The following THOC2 variants were observed in gnomAD, a reference collection of about 807,000 sequenced individuals.
THOC2 encodes the protein THO complex 2.
A neutral mutation model predicts 128.4 loss-of-function variants in THOC2; 10 were observed. That is an observed-to-expected ratio of 0.08 (90% CI 0.05 to 0.13). The LOEUF (loss-of-function observed/expected upper bound fraction) is 0.13. THOC2 is among the 10% of genes least tolerant of loss of function. The pLI is 1.00. For missense variants in THOC2, 535 were observed against 1,155.7 expected (o/e 0.46, Z 7.79); for synonymous variants, 393 against 396.9 (o/e 0.99, Z 0.12).
At chrX:123,698,300 A>G (rs1310804069) in intron 4 of THOC2, among the ~76,000 whole-genome samples, 1 of 109,800 alleles carries the variant, frequency 9.1e-6, no homozygotes, top group Non-Finnish European at 1.9e-5. Context: ...TCTACTAAAA[A>G]TGCAAAAATT....
At chrX:123,638,725 C>CGT (rs1446112189) in intron 17 of THOC2, among the ~76,000 whole-genome samples, 1 of 100,471 alleles carries the variant, frequency 1.0e-5, no homozygotes, top group Non-Finnish European at 2.0e-5. Context: ...AAGACACACA[C>CGT]GTACACACAC....
chrX:123,642,429 CAAA>C (rs746333788), intron 15 of THOC2, among the ~76,000 whole-genome samples: 1 of 72,621 alleles, frequency 1.4e-5, no homozygotes. Context: ...CTCCATCTCC[CAAA>C]AAAAAAAAAA....
At chrX:123,700,196 A>C (rs1354367816) in intron 4 of THOC2, among the ~76,000 whole-genome samples, 1 of 108,591 alleles carries the variant, frequency 9.2e-6, no homozygotes, top group Admixed American at 1.0e-4. Context: ...CCTTCATACT[A>C]TTAGTCTGTT....
intron 12 of THOC2, among the ~76,000 whole-genome samples, chrX:123,654,758 CA>C (rs149260708): frequency 0.076 from 1,833 of 24,236 alleles, 10 homozygotes; most frequent in African/African-American, 0.2. Flanking sequence ...GACTCCGTCT[CA>C]AAAAAAAAAA....
chrX:123,693,594 T>G (rs1233544102), intron 7 of THOC2, among the ~76,000 whole-genome samples: 1 of 110,105 alleles, frequency 9.1e-6, no homozygotes, highest in Non-Finnish European at 1.9e-5. Context: ...ATGCTAAGAG[T>G]CAGTATAGAT....
In THOC2 at chrX:123,685,183, A is replaced by T. The variant is rs955958754; in HGVS notation, c.768+1365T>A. Reference sequence around the variant, plus strand: ...GCTAGGCAATAAATTAATCCATAGGAATTAGTAAAACATAGAACCTTCCCT... The same window carrying T: ...GCTAGGCAATAAATTAATCCATAGGTATTAGTAAAACATAGAACCTTCCCT... On this transcript the variant is annotated intron_variant, in intron 8 of 38. Coordinates refer to ENST00000245838, the MANE Select transcript of THOC2 (RefSeq NM_001081550.2). 3.5e-5 allele frequency among the ~76,000 whole-genome samples: 4 copies of T among 112,786 alleles called. No individual in the cohort carries two copies. In the East Asian group the frequency reaches 1.1e-3, roughly 31 times the overall value.
At chrX:123,629,222 CACACACACACACACACACACACACAT>C (rs1302716381) in intron 22 of THOC2, among the ~76,000 whole-genome samples, 4 of 104,502 alleles carry the variant, frequency 3.8e-5, no homozygotes, top group African/African-American at 1.4e-4. Flanking sequence ...CACACACACA[CACACACACACACACACACACACACAT>C]ATATATGAAG....
At chrX:123,640,774 A>G in intron 15 of THOC2, 152 bp from the exon 16 acceptor site, 1 of 356,563 alleles carries the variant, frequency 2.8e-6, no homozygotes, top group Non-Finnish European at 4.9e-6. Flanking sequence ...CACATCCTTT[A>G]TGGTAGGATT....
chrX:123,709,773 A>G, intron 2 of THOC2, among the ~76,000 whole-genome samples: 1 of 111,961 alleles, frequency 8.9e-6, no homozygotes, highest in Middle Eastern at 4.6e-3. Context: ...TTCCCAACAC[A>G]AAGAAATGAT....
At chrX:123,616,382 T>C (rs768797358) in intron 33 of THOC2, among the ~76,000 whole-genome samples, 4 of 111,445 alleles carry the variant, frequency 3.6e-5, no homozygotes, top group Non-Finnish European at 7.6e-5. Context: ...TGGATTTGTA[T>C]GTAGCATCGC....
chrX:123,662,850 A>T (rs1263443738), intron 12 of THOC2, among the ~76,000 whole-genome samples: 1 of 111,871 alleles, frequency 8.9e-6, no homozygotes, highest in African/African-American at 3.2e-5. Flanking sequence ...AAATAAGCAC[A>T]TGAAAAGATG....
chrX:123,728,922 G>A (rs902414490), intron 1 of THOC2, among the ~76,000 whole-genome samples: 6 of 111,534 alleles, frequency 5.4e-5, no homozygotes, highest in Admixed American at 9.6e-5. Context: ...TAAGAGCTTC[G>A]AATATCAATT....
At chrX:123,688,600 G>GT (rs769325803) in intron 7 of THOC2, among the ~76,000 whole-genome samples, 11 of 110,671 alleles carry the variant, frequency 9.9e-5, no homozygotes, top group Non-Finnish European at 1.7e-4. Context: ...GCACATGCCT[G>GT]TAGTCCCAGC....
chrX:123,611,605 T>C, intron 36 of THOC2, 89 bp from the exon 37 acceptor site: 1 of 558,456 alleles, frequency 1.8e-6, no homozygotes, highest in Non-Finnish European at 2.9e-6. Context: ...CGAGCTATAT[T>C]TGTCTTCAAA....
intron 1 of THOC2, among the ~76,000 whole-genome samples, chrX:123,731,746 G>A (rs1184051481): frequency 2.7e-5 from 3 of 110,801 alleles, no homozygotes; most frequent in Non-Finnish European, 5.7e-5. Flanking sequence ...ACAGCAGTGC[G>A]GGGGGTGCGG....
intron 3 of THOC2, among the ~76,000 whole-genome samples, chrX:123,705,004 A>C (rs968051298): frequency 1.2e-4 from 14 of 112,372 alleles, no homozygotes; most frequent in Non-Finnish European, 2.6e-4. Flanking sequence ...TAGTTCACTT[A>C]CTGCAGTTAA....
intron 1 of THOC2, among the ~76,000 whole-genome samples, chrX:123,715,129 A>C (rs2051353082): frequency 9.9e-6 from 1 of 101,226 alleles, no homozygotes; most frequent in African/African-American, 3.7e-5. Flanking sequence ...TGATCCTCCC[A>C]CCTCAGCCTC....
intron 8 of THOC2, among the ~76,000 whole-genome samples, chrX:123,675,642 C>CA (rs1023641098): frequency 1.5e-3 from 126 of 85,903 alleles, no homozygotes; most frequent in African/African-American, 4.7e-3. Flanking sequence ...GACTCTGCCT[C>CA]AAAAAAAAAC....
At position 123,686,670 on chromosome X, in the gene THOC2, C is replaced by G; in HGVS notation, c.646G>C (p.Glu216Gln). 3.3e-6 allele frequency: 4 copies of G among 1,202,374 alleles called. No homozygotes were observed. The highest frequency in any genetic ancestry group is 4.5e-6 in the Non-Finnish European group (4 of 890,660). ...TGTTCTGGCCTGCATTCAAACACTT[C>G]TAAAATGACATCCAAAACTCTATTG... ...DPNRVLDVIL[E>Q]VFECRPEHDD... Residue 216 changes from glutamate to glutamine, a missense_variant, in exon 8 of 39, where the codon GAA (glutamate) becomes CAA (glutamine). Transcript: ENST00000245838.
Sources: allele counts gnomAD v4.1 joint callset (sites outside exome capture counted in the v4.1 genomes callset), GRCh38; gene constraint gnomAD v4.1.1; transcripts MANE v1.5; gene names NCBI Gene and HGNC (gene_info 2026-07-23, HGNC 2026-07-21).